The following RXFP1 variants were observed in gnomAD, a reference collection of about 807,000 sequenced individuals.
RXFP1 encodes the protein relaxin receptor 1.
RXFP1 carries 73 observed loss-of-function variants against 89.8 expected under a neutral mutation model. The observed-to-expected ratio is 0.81, with a 90% confidence interval of 0.67 to 0.99. The LOEUF is 0.99. RXFP1 is among the 50% of genes least tolerant of loss of function. The probability of loss-of-function intolerance (pLI) is 0.00; values close to 1 mark genes in which losing one functional copy is unlikely to be tolerated. For synonymous variants in RXFP1, 277 were observed against 305.5 expected (o/e 0.91, Z 0.97); for missense variants, 793 against 895.5 (o/e 0.89, Z 1.46).
intron 3 of RXFP1, among the ~76,000 whole-genome samples, chr4:158,598,462 T>G (rs1441886491): frequency 6.6e-6 from 1 of 152,166 alleles, no homozygotes; most frequent in African/African-American, 2.4e-5. Flanking sequence ...GAAGTCAATA[T>G]GGGGAGAAAA....
At chr4:158,598,008 G>A (rs929677299) in intron 3 of RXFP1, among the ~76,000 whole-genome samples, 9 of 152,122 alleles carry the variant, frequency 5.9e-5, no homozygotes, top group African/African-American at 9.7e-5. Flanking sequence ...CTGTGAAGAC[G>A]TCTCTGGAGA....
intron 17 of RXFP1, among the ~76,000 whole-genome samples, chr4:158,649,470 G>A (rs1218316505): frequency 6.6e-6 from 1 of 152,078 alleles, no homozygotes; most frequent in Non-Finnish European, 1.5e-5. Context: ...AACGTTGGCT[G>A]GCATGTTGCC....
chr4:158,562,803 C>T (rs1561015467), intron 1 of RXFP1, among the ~76,000 whole-genome samples: 1 of 151,986 alleles, frequency 6.6e-6, no homozygotes, highest in Non-Finnish European at 1.5e-5. Flanking sequence ...TTTTCTTTGC[C>T]CTTATGCTCA....
intron 2 of RXFP1, among the ~76,000 whole-genome samples, chr4:158,576,965 C>G (rs2150012410): frequency 6.6e-6 from 1 of 151,796 alleles, no homozygotes; most frequent in East Asian, 1.9e-4. Context: ...GTGGTTTTTT[C>G]CTTCATTTTA....
intron 3 of RXFP1, among the ~76,000 whole-genome samples, chr4:158,597,194 G>C (rs973315115): frequency 2.6e-5 from 4 of 151,950 alleles, no homozygotes; most frequent in African/African-American, 9.7e-5. Flanking sequence ...ATTATTATAG[G>C]GATTTATTGG....
intron 8 of RXFP1, among the ~76,000 whole-genome samples, chr4:158,613,016 C>G (rs1263936688): frequency 6.6e-6 from 1 of 152,230 alleles, no homozygotes; most frequent in Non-Finnish European, 1.5e-5. Context: ...CACAATAAAG[C>G]AAGTCACACA....
At chr4:158,573,668 A>G (rs1239817195) in intron 2 of RXFP1, among the ~76,000 whole-genome samples, 2 of 152,178 alleles carry the variant, frequency 1.3e-5, no homozygotes, top group Non-Finnish European at 2.9e-5. Flanking sequence ...GTTGAAATTG[A>G]GAATACGGGC....
At position 158,612,148 on chromosome 4, in the gene RXFP1, A is replaced by T; in HGVS notation, c.555A>T (p.Arg185Ser). ...SLTKLYLSHN[R>S]ITFLKPGVFE... Reference sequence around the variant, plus strand: ...TTTCCAGGTATCTCAGTCATAACAGAATAACCTTCCTGAAGCCGGGTGTTT... The same window carrying T: ...TTTCCAGGTATCTCAGTCATAACAGTATAACCTTCCTGAAGCCGGGTGTTT... The change falls in exon 7 of 18, where the codon AGA becomes AGT. Residue 185 changes from arginine (R) to serine (S), a missense_variant. By Grantham distance (110) the Arg-to-Ser change is moderately radical. Transcript: ENST00000307765. The T allele has an allele frequency of 6.2e-7, 1 of 1,610,628 alleles. No individual in the cohort carries two copies. The highest frequency in any genetic ancestry group is 1.3e-5 in the African/African-American group (1 of 74,854).
Position 158,653,199 on chromosome 4 carries a change from T to C in RXFP1, c.*1144T>C, listed in dbSNP as rs1441475156. The C allele has an allele frequency of 6.6e-6, 1 of 152,246 alleles. No individual in the cohort carries two copies. The highest frequency in any genetic ancestry group is 6.5e-5 in the Admixed American group (1 of 15,292). 9.4% of individuals were successfully genotyped at this position (152,246 alleles called of 1,614,324 possible). ...TCTCTACGTTATTAGAATTTTTTGCTTTCATAATGTGAAACCTTTAAGCAG... is the reference window on the plus strand; with the variant it reads ...TCTCTACGTTATTAGAATTTTTTGCCTTCATAATGTGAAACCTTTAAGCAG... On this transcript the variant is annotated 3_prime_UTR_variant, in exon 18 of 18. Transcript: ENST00000307765.
intron 17 of RXFP1, 118 bp from the exon 18 acceptor site, chr4:158,651,639 A>G: frequency 1.4e-6 from 1 of 706,930 alleles, no homozygotes; most frequent in Non-Finnish European, 2.2e-6. Context: ...ATTATGTGAC[A>G]TCAAAGGAAA....
chr4:158,606,031 T>C (rs539589177), intron 5 of RXFP1, among the ~76,000 whole-genome samples: 78 of 152,344 alleles, frequency 5.1e-4, no homozygotes, highest in Middle Eastern at 3.4e-3. Context: ...AAGTATCTAT[T>C]TCATATTTGA....
At chr4:158,564,682 A>C (rs1561019455) in intron 1 of RXFP1, among the ~76,000 whole-genome samples, 1 of 152,206 alleles carries the variant, frequency 6.6e-6, no homozygotes, top group East Asian at 1.9e-4. Flanking sequence ...CATTCAGGGC[A>C]GATGGATAGC....
intron 11 of RXFP1, among the ~76,000 whole-genome samples, chr4:158,630,401 A>G (rs1336728793): frequency 1.3e-5 from 2 of 152,244 alleles, no homozygotes; most frequent in African/African-American, 4.8e-5. Context: ...TGGATGATCC[A>G]AAGTATTATC....
intron 1 of RXFP1, among the ~76,000 whole-genome samples, chr4:158,527,667 C>T (rs1742936974): frequency 6.6e-6 from 1 of 150,932 alleles, no homozygotes; most frequent in African/African-American, 2.4e-5. Flanking sequence ...TTTTCCACTT[C>T]CCACAGTCTG....
intron 11 of RXFP1, among the ~76,000 whole-genome samples, chr4:158,631,868 T>C (rs906551533): frequency 6.6e-6 from 1 of 152,094 alleles, no homozygotes. Flanking sequence ...TGAGACGGGA[T>C]GATCACTTGT....
intron 3 of RXFP1, among the ~76,000 whole-genome samples, chr4:158,598,438 A>T (rs1761045359): frequency 6.6e-6 from 1 of 152,174 alleles, no homozygotes; most frequent in African/African-American, 2.4e-5. Flanking sequence ...CCTGCTGTAT[A>T]GGTTAGGGCT....
At chr4:158,602,738 T>C (rs942629123) in intron 4 of RXFP1, among the ~76,000 whole-genome samples, 1 of 152,074 alleles carries the variant, frequency 6.6e-6, no homozygotes, top group African/African-American at 2.4e-5. Context: ...TTTTTTGAGA[T>C]AATGAATGAA....
intron 13 of RXFP1, among the ~76,000 whole-genome samples, chr4:158,638,690 C>T (rs1769717946): frequency 6.6e-6 from 1 of 151,660 alleles, no homozygotes; most frequent in South Asian, 2.1e-4. Flanking sequence ...TGGCATGCAC[C>T]TGTGGTCCTA....
intron 1 of RXFP1, among the ~76,000 whole-genome samples, chr4:158,557,312 ATAAT>A (rs373820036): frequency 6.6e-6 from 1 of 152,324 alleles, no homozygotes; most frequent in African/African-American, 2.4e-5. Context: ...TTTTTAACTA[ATAAT>A]TTAGGTTTGT....
Sources: allele counts gnomAD v4.1 joint callset (sites outside exome capture counted in the v4.1 genomes callset), GRCh38; gene constraint gnomAD v4.1.1; transcripts MANE v1.5; gene names NCBI Gene and HGNC (gene_info 2026-07-23, HGNC 2026-07-21).